The following LPCAT2 variants were observed in gnomAD, a reference collection of about 807,000 sequenced individuals.
LPCAT2 encodes 1-AGP acyltransferase 11.
Under a neutral mutation model 64.7 loss-of-function variants are expected in LPCAT2, and 58 were observed. The observed-to-expected ratio is 0.90, with a 90% CI of 0.73 to 1.12. The LOEUF (loss-of-function observed/expected upper bound fraction) is 1.12. Among genes scored for constraint, LPCAT2 ranks in the 50% most tolerant of loss-of-function variants. LPCAT2 has a pLI of 0.00. For missense variants in LPCAT2, 579 were observed against 669.8 expected, an observed-to-expected ratio of 0.86 and a Z score of 1.50; for synonymous variants, 252 against 245.3, an observed-to-expected ratio of 1.03 and a Z score of -0.26.
chr16:55,541,794 T>C (rs1207814551), intron 8 of LPCAT2: 1 of 1,107,144 alleles, frequency 9.0e-7, no homozygotes, highest in South Asian at 1.4e-5. Context: ...TGGCACATAG[T>C]AAGTGTTCAA....
rs1244398543 is a variant in LPCAT2 at position 55,549,372 on chromosome 16, T to G, written c.1031T>G (p.Val344Gly). ...ACATTGCCTATGGAAGCTGGGCTGG[T>G]GGAATTTACTAAAATTAGCCGAAAA... Reference protein sequence around the residue: ...QLTLPMEAGLVEFTKISRKLK... With the variant: ...QLTLPMEAGLGEFTKISRKLK... The change falls in exon 10 of 14, where the codon GTG (valine) becomes GGG (glycine). Residue 344 changes from valine to glycine, a missense_variant. Physicochemically the swap from Val to Gly is moderately radical, Grantham distance 109 (BLOSUM62 -3). Coordinates refer to ENST00000262134, the MANE Select transcript of LPCAT2 (RefSeq NM_017839.5). 6.3e-7 allele frequency: 1 copy of G among 1,591,850 alleles called. No homozygotes were observed. The highest frequency in any genetic ancestry group is 8.5e-7 in the Non-Finnish European group (1 of 1,173,722).
chr16:55,528,961 T>C (rs1359715406), intron 3 of LPCAT2, among the ~76,000 whole-genome samples: 1 of 152,206 alleles, frequency 6.6e-6, no homozygotes, highest in African/African-American at 2.4e-5. Flanking sequence ...GATGAATTTA[T>C]CTTCAGGATA....
At chr16:55,523,131 G>T (rs1963121270) in intron 1 of LPCAT2, among the ~76,000 whole-genome samples, 1 of 151,388 alleles carries the variant, frequency 6.6e-6, no homozygotes, top group Non-Finnish European at 1.5e-5. Flanking sequence ...AGTAAAAATG[G>T]GCCAAAAAGA....
chr16:55,584,631 G>A lies in LPCAT2; in HGVS notation c.*1533G>A, dbSNP rs1177794147. On this transcript the variant is annotated 3_prime_UTR_variant, in exon 14 of 14. Coordinates refer to ENST00000262134, the MANE Select transcript of LPCAT2 (RefSeq NM_017839.5). The stretch of plus-strand genomic sequence containing the variant: ...TTTGGCCGTGTTTCTGAATGTATTG[G>A]TGATTCACCCCCAAGCTAATTTTTT... 1 of 152,076 alleles carries A rather than the reference G, an allele frequency of 6.6e-6. No individual in the cohort carries two copies. Among genetic ancestry groups the A allele is most frequent in the Non-Finnish European group, 1.5e-5 (1 of 67,996 alleles). The allele number at this position is 152,076 out of a possible 1,614,324, so 9.4% of individuals were successfully genotyped here. A position where few individuals can be genotyped will look rare whatever the true frequency, so the allele number is the denominator to read the frequency against.
intron 8 of LPCAT2, chr16:55,538,909 C>T (rs899652185): frequency 6.6e-6 from 1 of 151,982 alleles, no homozygotes; most frequent in Non-Finnish European, 1.5e-5. Context: ...TTCAGGAAGC[C>T]TTATATCATA....
At chr16:55,559,853 G>T (rs1015202994) in intron 11 of LPCAT2, among the ~76,000 whole-genome samples, 6 of 150,004 alleles carry the variant, frequency 4.0e-5, no homozygotes, top group African/African-American at 1.5e-4. Flanking sequence ...TGAAAGTTTG[G>T]TTCTATATGT....
Position 55,509,365 on chromosome 16 carries a change from G to T in LPCAT2, c.171+13G>T. ...GAGGCGGGTCCAGGTGAGGGGCGTG[G>T]GTCTGAGGGGAGAGGTGGTCTGAGG... is the stretch of plus-strand genomic sequence containing the variant. On this transcript the variant is annotated intron_variant, in intron 1 of 13. Coordinates refer to ENST00000262134, the MANE Select transcript of LPCAT2 (RefSeq NM_017839.5). 7.1e-7 allele frequency: 1 copy of T among 1,408,988 alleles called. No individual in the cohort carries two copies. The highest frequency in any genetic ancestry group is 9.3e-7 in the Non-Finnish European group (1 of 1,070,850). 87.3% of individuals were successfully genotyped at this position (1,408,988 alleles called of 1,614,324 possible).
chr16:55,532,685 T>G (rs1188857050), intron 5 of LPCAT2, 139 bp from the exon 6 acceptor site: 1 of 542,494 alleles, frequency 1.8e-6, no homozygotes, highest in African/African-American at 1.9e-5. Context: ...CACTAGGGAT[T>G]TACCAACATT....
chr16:55,532,055 C>T, intron 5 of LPCAT2, 81 bp downstream of exon 5: 1 of 909,224 alleles, frequency 1.1e-6, no homozygotes, highest in Non-Finnish European at 1.8e-6. Context: ...CACAAAATAA[C>T]TCTTTAGCTT....
At chr16:55,528,883 C>CTGATTTGAGAGAATTTAATCCATGTT (rs1206605066) in intron 3 of LPCAT2, among the ~76,000 whole-genome samples, 7 of 152,050 alleles carry the variant, frequency 4.6e-5, no homozygotes, top group African/African-American at 1.7e-4. Context: ...CTATCCATGC[C>CTGATTTGAGAGAATTTAATCCATGTT]TGATTTGAGA....
rs763907186 is a variant in LPCAT2, at chr16:55,509,165, C to T, written c.-17C>T. On this transcript the variant is annotated 5_prime_UTR_variant, in exon 1 of 14. Transcript: ENST00000262134. Reference sequence around the variant, plus strand: ...CCGCGTAGATCGCTTCGGCCGGGTTCTACGCCCGGCTCAACTATGAGCCGG... The same window carrying T: ...CCGCGTAGATCGCTTCGGCCGGGTTTTACGCCCGGCTCAACTATGAGCCGG... 7.5e-7 allele frequency: 1 copy of T among 1,330,418 alleles called. No individual in the cohort carries two copies. The highest frequency in any genetic ancestry group is 9.7e-7 in the Non-Finnish European group (1 of 1,036,026). 82.4% of individuals were successfully genotyped at this position (1,330,418 alleles called of 1,614,324 possible).
intron 1 of LPCAT2, among the ~76,000 whole-genome samples, chr16:55,522,771 A>C (rs536673714): frequency 6.6e-6 from 1 of 151,806 alleles, no homozygotes; most frequent in African/African-American, 2.4e-5. Context: ...GTTAAAAATG[A>C]ACCTTGATCC....
At chr16:55,576,113 G>A (rs1439171102) in intron 12 of LPCAT2, among the ~76,000 whole-genome samples, 4 of 151,466 alleles carry the variant, frequency 2.6e-5, no homozygotes, top group African/African-American at 7.3e-5. Flanking sequence ...GAAGCTGTGA[G>A]ATTTTTGTCT....
rs796150288 is a variant in LPCAT2, at chr16:55,525,721, TTCA to T, written c.311+79_311+81del. ...ATATACTAAATCAATATAAGAAGAGTTCATCATAGTTTAGTCAGTGATCTAACT... is the reference window on the plus strand; with the variant it reads ...ATATACTAAATCAATATAAGAAGAGTTCATAGTTTAGTCAGTGATCTAACT... On this transcript the variant is annotated intron_variant, in intron 2 of 13. Transcript: ENST00000262134. 3.5e-6 allele frequency: 4 copies of T among 1,136,266 alleles called. No homozygotes were observed. In the African/African-American group the frequency reaches 6.5e-5, roughly 18 times the overall value. The allele number at this position is 1,136,266 out of a possible 1,614,324, so 70.4% of individuals were successfully genotyped here.
In LPCAT2 at chr16:55,579,225, A is replaced by C; in HGVS notation, c.1431A>C (p.Gln477His). The change falls in exon 13 of 14, where the codon CAA becomes CAC. Residue 477 changes from glutamine (Q) to histidine (H), a missense_variant. By Grantham distance (24) the Gln-to-His change is conservative (BLOSUM62 0). Transcript: ENST00000262134. ...DVSGLFKEIAQGDSISYEEFK... is the reference protein window; with the variant it reads ...DVSGLFKEIAHGDSISYEEFK... ...CTGGTCTCTTCAAGGAAATAGCCCA[A>C]GGGGACTCAATTTCCTATGGTGAGT... 1 of 1,612,994 alleles carries C rather than the reference A, an allele frequency of 6.2e-7. No individual in the cohort carries two copies. The highest frequency in any genetic ancestry group is 8.5e-7 in the Non-Finnish European group (1 of 1,179,430).
intron 1 of LPCAT2, among the ~76,000 whole-genome samples, chr16:55,524,907 G>A (rs1436944178): frequency 1.3e-5 from 2 of 152,020 alleles, no homozygotes; most frequent in African/African-American, 2.4e-5. Flanking sequence ...TACACGCCAA[G>A]TGCTTAGAAT....
chr16:55,521,806 T>TA lies in LPCAT2; in HGVS notation c.172-3695dup, dbSNP rs540165406. 3.2e-3 allele frequency among the ~76,000 whole-genome samples: 491 copies of TA among 151,692 alleles called. 3 individuals are homozygous for TA. Among genetic ancestry groups the TA allele is most frequent in the African/African-American group, 0.011 (468 of 41,510 alleles). ...GACAAAATTCAATACCCACTAGTGA[T>TA]AAAAAAAGTTTCTTAGTAAAATAGG... On this transcript the variant is annotated intron_variant, in intron 1 of 13. Coordinates refer to ENST00000262134, the MANE Select transcript of LPCAT2 (RefSeq NM_017839.5).
intron 2 of LPCAT2, chr16:55,525,951 A>C (rs1963164819): frequency 5.8e-6 from 1 of 171,472 alleles, no homozygotes; most frequent in East Asian, 1.5e-4. Context: ...AGTTATTGCC[A>C]AATGCGATAC....
chr16:55,537,506 A>C, intron 7 of LPCAT2, 72 bp from the exon 8 acceptor site: 1 of 1,220,740 alleles, frequency 8.2e-7, no homozygotes, highest in Non-Finnish European at 1.2e-6. Flanking sequence ...TGTATAAAGA[A>C]ATGATTGTTG....
Sources: allele counts gnomAD v4.1 joint callset (sites outside exome capture counted in the v4.1 genomes callset), GRCh38; gene constraint gnomAD v4.1.1; transcripts MANE v1.5; gene names NCBI Gene and HGNC (gene_info 2026-07-23, HGNC 2026-07-21).